The following RCC1L variants were observed in gnomAD, a reference collection of about 807,000 sequenced individuals.
The protein encoded by RCC1L is RCC1-like G exchanging factor-like protein.
RCC1L carries 46 observed loss-of-function variants against 58.6 expected under a neutral mutation model. The ratio of observed to expected loss-of-function variants is 0.79; its 90% CI spans 0.62 to 1.00. The LOEUF is 1.00. Among genes scored for constraint, RCC1L ranks in the 50% least tolerant of loss-of-function variants. The pLI, the probability that RCC1L is intolerant of heterozygous loss-of-function variation, is 0.00. For synonymous variants in RCC1L, 281 were observed against 262.9 expected (o/e 1.07, Z -0.67); for missense variants, 636 against 623.6 (o/e 1.02, Z -0.21).
intron 8 of RCC1L, chr7:75,056,589 C>G: frequency 6.5e-7 from 1 of 1,534,170 alleles, no homozygotes; most frequent in Non-Finnish European, 8.7e-7. Context: ...GGCTGTTCTC[C>G]CATCTGCCTT....
intron 6 of RCC1L, 72 bp downstream of exon 6, chr7:75,061,135 C>T: frequency 8.1e-7 from 1 of 1,229,180 alleles, no homozygotes; most frequent in Non-Finnish European, 1.2e-6. Context: ...CCCATAAATG[C>T]CCTACAGCTC....
chr7:75,045,688 G>T (rs1805698338), intron 10 of RCC1L, among the ~76,000 whole-genome samples: 1 of 152,088 alleles, frequency 6.6e-6, no homozygotes, highest in African/African-American at 2.4e-5. Context: ...GCTAATTTTT[G>T]TATTTTTCGT....
intron 10 of RCC1L, among the ~76,000 whole-genome samples, chr7:75,034,713 A>C (rs1181509796): frequency 3.3e-5 from 5 of 151,982 alleles, no homozygotes; most frequent in African/African-American, 1.2e-4. Flanking sequence ...TTTTTCTTTA[A>C]ATTTATTTGC....
chr7:75,064,874 G>C lies in RCC1L; in HGVS notation c.584-226C>G, dbSNP rs1806410262. On this transcript the variant is annotated intron_variant, in intron 3 of 10. Coordinates refer to ENST00000610322, the MANE Select transcript of RCC1L (RefSeq NM_030798.5). ...TCCTGGCCCTAGATCCACTTCTTGGGAATTCCACCTTCTGAGGCTAGAACC... is the reference window on the plus strand; with the variant it reads ...TCCTGGCCCTAGATCCACTTCTTGGCAATTCCACCTTCTGAGGCTAGAACC... 5.0e-6 allele frequency: 3 copies of C among 596,578 alleles called. No homozygotes were observed. In the South Asian group the frequency reaches 5.7e-5, roughly 11 times the overall value. 37.0% of individuals were successfully genotyped at this position (596,578 alleles called of 1,614,324 possible).
At chr7:75,058,863 TAAC>T in intron 6 of RCC1L, 94 bp from the exon 7 acceptor site, 16 of 1,479,926 alleles carry the variant, frequency 1.1e-5, no homozygotes, top group South Asian at 3.5e-5. Flanking sequence ...TTTAAGCACT[TAAC>T]AAGTATCAGC....
intron 10 of RCC1L, among the ~76,000 whole-genome samples, chr7:75,050,275 C>T (rs1276760403): frequency 6.6e-6 from 1 of 152,080 alleles, no homozygotes; most frequent in Non-Finnish European, 1.5e-5. Flanking sequence ...GAGCAAGACT[C>T]CATCTCAAAA....
At chr7:75,037,453 T>C (rs1310529375), downstream of RCC1L, among the ~76,000 whole-genome samples, 8 of 151,812 alleles carry the variant, frequency 5.3e-5, no homozygotes, top group African/African-American at 1.7e-4. Flanking sequence ...CCTCCCAAAG[T>C]GCTGGGATTA....
chr7:75,046,794 C>T (rs1805732798), intron 10 of RCC1L, among the ~76,000 whole-genome samples: 1 of 152,310 alleles, frequency 6.6e-6, no homozygotes. Flanking sequence ...TAGGAACATC[C>T]CTATCCACAA....
At chr7:75,072,710 T>C (rs782047121) in intron 1 of RCC1L, among the ~76,000 whole-genome samples, 4 of 152,230 alleles carry the variant, frequency 2.6e-5, no homozygotes, top group Admixed American at 6.5e-5. Flanking sequence ...CCAGGCACAG[T>C]GGCTCACGCC....
At chr7:75,056,176 T>A in intron 8 of RCC1L, 102 bp from the exon 9 acceptor site, 1 of 1,302,984 alleles carries the variant, frequency 7.7e-7, no homozygotes, top group Non-Finnish European at 1.1e-6. Context: ...ATCCACACGG[T>A]TTTTTTTTGT....
At chr7:75,062,825 C>T (rs1247156014) in intron 5 of RCC1L, among the ~76,000 whole-genome samples, 4 of 151,788 alleles carry the variant, frequency 2.6e-5, no homozygotes, top group Non-Finnish European at 4.4e-5. Flanking sequence ...GAGACAGAGT[C>T]TTGCTCTGTC....
At chr7:75,040,321 G>T (rs1805524574), downstream of RCC1L, among the ~76,000 whole-genome samples, 1 of 152,170 alleles carries the variant, frequency 6.6e-6, no homozygotes, top group Non-Finnish European at 1.5e-5. Flanking sequence ...TTAGCCGGGC[G>T]TGGTAGTGCA....
chr7:75,073,445 G>T lies in RCC1L; in HGVS notation c.293C>A (p.Pro98His). ...GTCCAGCTCCAGGCGATAGGGCACGGGCTGGATCCTGCGGCGCGGTCGGGC... is the reference window on the plus strand; with the variant it reads ...GTCCAGCTCCAGGCGATAGGGCACGTGCTGGATCCTGCGGCGCGGTCGGGC... ...AGARPRRRIQ[P>H]VPYRLELDQK... Residue 98 changes from proline (P) to histidine (H), a missense_variant, in exon 1 of 11, where the codon CCC becomes CAC. Transcript: ENST00000610322. The T allele has an allele frequency of 7.4e-7, 1 of 1,359,266 alleles. No individual in the cohort carries two copies. The highest frequency in any genetic ancestry group is 9.5e-7 in the Non-Finnish European group (1 of 1,057,494). 84.2% of individuals were successfully genotyped at this position (1,359,266 alleles called of 1,614,324 possible).
At chr7:75,070,493 C>T in intron 2 of RCC1L, 147 bp downstream of exon 2, 7 of 1,055,282 alleles carry the variant, frequency 6.6e-6, no homozygotes, top group Non-Finnish European at 9.1e-6. Context: ...ATCACTTGAA[C>T]CCGGGAGGTG....
intron 1 of RCC1L, among the ~76,000 whole-genome samples, chr7:75,071,303 T>C (rs1806719193): frequency 6.6e-6 from 1 of 152,158 alleles, no homozygotes. Context: ...ATGGTCTATG[T>C]CAGCTTACCA....
Position 75,073,468 on chromosome 7 carries a change from G to T in RCC1L, c.270C>A (p.Ala90=), listed in dbSNP as rs1554446464. The change falls in exon 1 of 11, where the codon GCC becomes GCA. Residue 90 remains alanine (A), a synonymous_variant. Coordinates refer to ENST00000610322, the MANE Select transcript of RCC1L (RefSeq NM_030798.5). The stretch of plus-strand genomic sequence containing the variant: ...CGGGCTGGATCCTGCGGCGCGGTCG[G>T]GCGCCGGCGCGGGGCCCGGGCCCGG... ...PSSGPGPRAG[A]RPRRRIQPVP... The T allele has an allele frequency of 4.4e-6, 6 of 1,378,482 alleles. No homozygotes were observed. In the African/African-American group the frequency reaches 4.6e-5, roughly 11 times the overall value. The allele number at this position is 1,378,482 out of a possible 1,614,324, so 85.4% of individuals were successfully genotyped here.
At chr7:75,060,716 C>T (rs1288839244) in intron 6 of RCC1L, among the ~76,000 whole-genome samples, 1 of 152,154 alleles carries the variant, frequency 6.6e-6, no homozygotes, top group East Asian at 1.9e-4. Context: ...CAGGTGTGAG[C>T]CACTGCACCC....
chr7:75,061,635 C>G (rs1806282236), intron 5 of RCC1L, among the ~76,000 whole-genome samples: 1 of 152,140 alleles, frequency 6.6e-6, no homozygotes, highest in Admixed American at 6.6e-5. Context: ...CACTCAGCCT[C>G]TACTTCAGAC....
chr7:75,036,555 G>A (rs1197532385), intron 10 of RCC1L, among the ~76,000 whole-genome samples: 1 of 152,058 alleles, frequency 6.6e-6, no homozygotes, highest in Non-Finnish European at 1.5e-5. Flanking sequence ...TACAGTACGT[G>A]CTGAGGAGCA....
Sources: gnomAD v4.1 joint callset for allele counts (sites outside exome capture counted in the v4.1 genomes callset) on GRCh38, gnomAD v4.1.1 for gene constraint, MANE v1.5 for transcripts, NCBI Gene and HGNC (gene_info 2026-07-23, HGNC 2026-07-21) for gene names.